The following OTUD7A variants were observed in gnomAD, a reference collection of about 807,000 sequenced individuals.
OTUD7A encodes the protein OTU deubiquitinase 7A, also known as OTU domain-containing protein 7A.
In OTUD7A, 12 loss-of-function variants were observed where a neutral mutation model predicts 65.7. The ratio of observed to expected loss-of-function variants is 0.18; its 90% CI spans 0.12 to 0.30. The LOEUF (loss-of-function observed/expected upper bound fraction) is 0.30, where lower values mean the gene tolerates loss of function less well. OTUD7A is among the 10% of genes least tolerant of loss of function. The pLI, the probability that OTUD7A is intolerant of heterozygous loss-of-function variation, is 1.00. For synonymous variants in OTUD7A, 641 were observed against 586.3 expected (o/e 1.09, Z -1.35); for missense variants, 1,148 against 1,304.8 (o/e 0.88, Z 1.85).
At chr15:31,686,167 G>A (rs533340883) in intron 1 of OTUD7A, among the ~76,000 whole-genome samples, 1 of 152,354 alleles carries the variant, frequency 6.6e-6, no homozygotes, top group East Asian at 1.9e-4. Flanking sequence ...GGAACAGGAA[G>A]AGGGAGAGGC....
intron 1 of OTUD7A, among the ~76,000 whole-genome samples, chr15:31,728,527 C>G (rs1893956153): frequency 6.6e-6 from 1 of 152,216 alleles, no homozygotes; most frequent in African/African-American, 2.4e-5. Context: ...CCCTGCCTAA[C>G]TCTCCACCTC....
intron 1 of OTUD7A, among the ~76,000 whole-genome samples, chr15:31,797,421 G>A (rs904336122): frequency 2.6e-5 from 4 of 152,274 alleles, no homozygotes; most frequent in Admixed American, 1.3e-4. Context: ...TCTCAACGAC[G>A]AGTACCTATT....
chr15:31,776,057 G>A lies in OTUD7A; in HGVS notation c.-100+94450C>T, dbSNP rs145339002. On this transcript the variant is annotated intron_variant, in intron 1 of 12. Transcript: ENST00000307050. ...TACAAGGACAGAGTGCCACTGCCAC[G>A]CAGCCACCTGCACCTGTCCACACAC... Among the ~76,000 whole-genome samples, 592 of 152,272 alleles carry A rather than the reference G, an allele frequency of 3.9e-3. 2 individuals carry two copies. The highest frequency in any genetic ancestry group is 7.3e-3 in the Admixed American group (112 of 15,300).
chr15:31,518,232 G>C (rs2041887729), intron 8 of OTUD7A, among the ~76,000 whole-genome samples: 1 of 152,232 alleles, frequency 6.6e-6, no homozygotes, highest in East Asian at 1.9e-4. Context: ...CCAGCACTTT[G>C]GGAGGCCGAG....
chr15:31,571,511 TTC>T (rs1418524041), intron 3 of OTUD7A, among the ~76,000 whole-genome samples: 1 of 152,200 alleles, frequency 6.6e-6, no homozygotes, highest in Admixed American at 6.5e-5. Context: ...TTCTAACTAA[TTC>T]TCTGATGGTG....
chr15:31,750,972 C>G (rs559033455), intron 1 of OTUD7A, among the ~76,000 whole-genome samples: 1 of 152,108 alleles, frequency 6.6e-6, no homozygotes, highest in African/African-American at 2.4e-5. Flanking sequence ...CTATAAAAAT[C>G]CTAGAAGAAA....
chr15:31,709,332 G>A (rs111675030), intron 1 of OTUD7A, among the ~76,000 whole-genome samples: 8 of 152,310 alleles, frequency 5.3e-5, no homozygotes, highest in African/African-American at 1.9e-4. Context: ...AGATGCAGAC[G>A]TCCACAAAGG....
rs772574742 is a variant in OTUD7A at position 31,808,136 on chromosome 15, C to CACACACACAAAA, written c.-100+62370_-100+62371insTTTTGTGTGTGT. On this transcript the variant is annotated intron_variant, in intron 1 of 12. Transcript: ENST00000307050. ...ACACACACACACACACACACACACA[C>CACACACACAAAA]AAACAAATCCTCACCAGGTTTTTCC... is the stretch of plus-strand genomic sequence containing the variant. Among the ~76,000 whole-genome samples, 348 of 119,462 alleles carry CACACACACAAAA rather than the reference C, an allele frequency of 2.9e-3. 3 individuals are homozygous for CACACACACAAAA. The highest frequency in any genetic ancestry group is 0.015 in the East Asian group (63 of 4,228). 78.4% of individuals were successfully genotyped at this position (119,462 alleles called of 152,430 possible).
chr15:31,592,133 T>C (rs1238156443), intron 3 of OTUD7A, among the ~76,000 whole-genome samples: 1 of 152,182 alleles, frequency 6.6e-6, no homozygotes, highest in Non-Finnish European at 1.5e-5. Flanking sequence ...GGTGAGTGAA[T>C]GTGAAGGCCA....
At chr15:31,860,387 A>T (rs1017298729) in intron 1 of OTUD7A, among the ~76,000 whole-genome samples, 1 of 152,046 alleles carries the variant, frequency 6.6e-6, no homozygotes, top group African/African-American at 2.4e-5. Context: ...AAGCAATTCG[A>T]GAAAAAATGA....
At position 31,766,969 on chromosome 15, in the gene OTUD7A, C is replaced by G; in HGVS notation, c.-100+103538G>C. ...GGATAGATCACGCATACTACTTAAC[C>G]CTATTAAATTATGACAACTTCCTCC... is the stretch of plus-strand genomic sequence containing the variant. On this transcript the variant is annotated intron_variant, in intron 1 of 12. Coordinates refer to ENST00000307050, the MANE Select transcript of OTUD7A (RefSeq NM_001382637.1). The G allele has an allele frequency of 5.6e-6, 9 of 1,611,816 alleles. No homozygotes were observed. In the South Asian group the frequency reaches 9.9e-5, roughly 18 times the overall value.
chr15:31,494,360 G>A (rs1344716715), intron 10 of OTUD7A, among the ~76,000 whole-genome samples: 1 of 152,176 alleles, frequency 6.6e-6, no homozygotes, highest in Admixed American at 6.5e-5. Flanking sequence ...AAGTGGCTGT[G>A]TGTAGACCAG....
chr15:31,758,319 G>A (rs766236398), intron 1 of OTUD7A, among the ~76,000 whole-genome samples: 11 of 152,132 alleles, frequency 7.2e-5, no homozygotes, highest in Non-Finnish European at 1.5e-4. Flanking sequence ...TAAGCATGTG[G>A]TCATCGCCCT....
rs903807716 is a variant in OTUD7A, at chr15:31,662,286, A to G, written c.-99-5209T>C. 3.9e-5 allele frequency among the ~76,000 whole-genome samples: 6 copies of G among 152,208 alleles called. 1 individual carries two copies. Among genetic ancestry groups the G allele is most frequent in the African/African-American group, 1.4e-4 (6 of 41,458 alleles). On this transcript the variant is annotated intron_variant, in intron 1 of 12. Transcript: ENST00000307050. Reference sequence around the variant, plus strand: ...TTGGTCACCCAGTGGTAGACACCTAATAGAAAAGGCAAGATAGATGCTTTA... The same window carrying G: ...TTGGTCACCCAGTGGTAGACACCTAGTAGAAAAGGCAAGATAGATGCTTTA...
At chr15:31,696,151 G>T (rs1893077854) in intron 1 of OTUD7A, among the ~76,000 whole-genome samples, 1 of 147,050 alleles carries the variant, frequency 6.8e-6, no homozygotes, top group South Asian at 2.5e-4. Flanking sequence ...GTTGAGGGGG[G>T]CACAAGGGGC....
At chr15:31,576,258 C>T (rs947043694) in intron 3 of OTUD7A, among the ~76,000 whole-genome samples, 2 of 152,170 alleles carry the variant, frequency 1.3e-5, no homozygotes, top group Non-Finnish European at 2.9e-5. Context: ...GCTTATCCCA[C>T]AGGTGTGGGA....
chr15:31,579,401 AAAG>A (rs1399601332), intron 3 of OTUD7A, among the ~76,000 whole-genome samples: 1 of 152,158 alleles, frequency 6.6e-6, no homozygotes, highest in African/African-American at 2.4e-5. Context: ...CTATTAAGTA[AAAG>A]AAGGGTTACT....
intron 3 of OTUD7A, among the ~76,000 whole-genome samples, chr15:31,608,743 G>T (rs891609756): frequency 2.0e-5 from 3 of 152,250 alleles, no homozygotes; most frequent in Admixed American, 1.3e-4. Flanking sequence ...GATAATGGTG[G>T]ACATGAGGCA....
At chr15:31,834,578 G>A (rs1222494945) in intron 1 of OTUD7A, among the ~76,000 whole-genome samples, 1 of 152,162 alleles carries the variant, frequency 6.6e-6, no homozygotes, top group East Asian at 1.9e-4. Flanking sequence ...AAATATTCCA[G>A]GAGCTGCCTC....
Sources: gnomAD v4.1 joint callset for allele counts (sites outside exome capture counted in the v4.1 genomes callset) on GRCh38, gnomAD v4.1.1 for gene constraint, MANE v1.5 for transcripts, NCBI Gene and HGNC (gene_info 2026-07-23, HGNC 2026-07-21) for gene names.